The following CTNNA3 variants were observed in gnomAD, a reference collection of about 807,000 sequenced individuals.
The protein encoded by CTNNA3 is catenin alpha 3, also known as catenin alpha-3.
In CTNNA3, 76 loss-of-function variants were observed where a neutral mutation model predicts 95.7. That is an observed-to-expected ratio of 0.79 (90% confidence interval 0.66 to 0.96). The LOEUF (loss-of-function observed/expected upper bound fraction) is 0.96, where lower values mean the gene tolerates loss of function less well. Among genes scored for constraint, CTNNA3 ranks in the 40% least tolerant of loss-of-function variants. CTNNA3 has a pLI of 0.00. For synonymous variants in CTNNA3, 431 were observed against 374.4 expected (o/e 1.15, Z -1.74); for missense variants, 1,191 against 1,089.8 (o/e 1.09, Z -1.31).
At chr10:67,535,871 A>T (rs1370677955) in intron 4 of CTNNA3, among the ~76,000 whole-genome samples, 2 of 152,150 alleles carry the variant, frequency 1.3e-5, no homozygotes, top group Non-Finnish European at 2.9e-5. Context: ...CTAATAAGGC[A>T]GTGAGAAATT....
upstream of CTNNA3, among the ~76,000 whole-genome samples, chr10:67,697,739 T>G (rs1840993987): frequency 6.9e-6 from 1 of 144,502 alleles, no homozygotes; most frequent in Non-Finnish European, 1.5e-5. Flanking sequence ...TTAAAGAGCT[T>G]TTATAGTGGG....
chr10:67,364,527 G>T (rs1843132929), intron 5 of CTNNA3, among the ~76,000 whole-genome samples: 1 of 151,802 alleles, frequency 6.6e-6, no homozygotes, highest in South Asian at 2.1e-4. Context: ...CTTCAGCAAA[G>T]TCTCAGGATA....
chr10:67,406,565 C>T (rs1845144364), intron 5 of CTNNA3, among the ~76,000 whole-genome samples: 1 of 151,710 alleles, frequency 6.6e-6, no homozygotes, highest in Non-Finnish European at 1.5e-5. Flanking sequence ...CAATAAATAA[C>T]CAAAAGCAGA....
intron 5 of CTNNA3, among the ~76,000 whole-genome samples, chr10:67,453,281 A>C (rs1340940061): frequency 6.6e-6 from 1 of 152,188 alleles, no homozygotes; most frequent in African/African-American, 2.4e-5. Flanking sequence ...GACAGTTATG[A>C]TGTACTCCTA....
chr10:65,960,076 C>T (rs1010168939), intron 17 of CTNNA3, among the ~76,000 whole-genome samples: 5 of 152,182 alleles, frequency 3.3e-5, no homozygotes, highest in Non-Finnish European at 7.4e-5. Flanking sequence ...TAAAATGAAA[C>T]TTGAATAGAG....
intron 7 of CTNNA3, chr10:66,928,074 G>T (rs1847173343): frequency 1.2e-6 from 2 of 1,614,070 alleles, no homozygotes; most frequent in East Asian, 2.2e-5. Flanking sequence ...AGCTCCCCAG[G>T]CCGAAGCATG....
At chr10:67,311,120 T>C (rs1840778323) in intron 5 of CTNNA3, among the ~76,000 whole-genome samples, 1 of 152,276 alleles carries the variant, frequency 6.6e-6, no homozygotes, top group South Asian at 2.1e-4. Flanking sequence ...GGTGATACTA[T>C]TGAAATTTGG....
At chr10:66,436,638 T>G (rs1448075996) in intron 11 of CTNNA3, among the ~76,000 whole-genome samples, 1 of 151,882 alleles carries the variant, frequency 6.6e-6, no homozygotes, top group Non-Finnish European at 1.5e-5. Flanking sequence ...TCTTGACTCT[T>G]TATCCAATTT....
intron 15 of CTNNA3, among the ~76,000 whole-genome samples, chr10:66,010,578 T>C (rs1041781669): frequency 1.3e-5 from 2 of 152,188 alleles, no homozygotes; most frequent in Admixed American, 6.5e-5. Context: ...CTGGGAATTG[T>C]AGGTTCTACT....
chr10:66,673,756 G>A (rs1846747725), intron 9 of CTNNA3, among the ~76,000 whole-genome samples: 1 of 151,926 alleles, frequency 6.6e-6, no homozygotes, highest in African/African-American at 2.4e-5. Context: ...AACATCAAAA[G>A]ACATCTGAAT....
intron 1 of CTNNA3, among the ~76,000 whole-genome samples, chr10:67,681,046 A>G (rs1351169335): frequency 1.3e-5 from 2 of 152,154 alleles, no homozygotes; most frequent in Admixed American, 1.3e-4. Context: ...CAACTTTAAA[A>G]CTCTACTGAG....
chr10:67,398,153 T>C (rs1443768192), intron 5 of CTNNA3, among the ~76,000 whole-genome samples: 3 of 152,066 alleles, frequency 2.0e-5, no homozygotes, highest in African/African-American at 7.2e-5. Flanking sequence ...TGCTAAGAGC[T>C]TGTGGCTGGA....
Position 66,222,821 on chromosome 10 carries a change from T to C in CTNNA3, c.1884+57649A>G, listed in dbSNP as rs76787739. Among the ~76,000 whole-genome samples, 1,280 of 152,042 alleles carry C rather than the reference T, an allele frequency of 8.4e-3. 22 individuals carry two copies. Among genetic ancestry groups the C allele is most frequent in the African/African-American group, 0.028 (1,162 of 41,506 alleles). On this transcript the variant is annotated intron_variant, in intron 13 of 17. Coordinates refer to ENST00000433211, the MANE Select transcript of CTNNA3 (RefSeq NM_013266.4). ...GAAAAGAAAGGTAGGCACTAAAACG[T>C]TGCAGGTATTCATAAAGCAGCTGCT...
chr10:65,945,108 C>A (rs1188151075), intron 17 of CTNNA3, among the ~76,000 whole-genome samples: 1 of 151,444 alleles, frequency 6.6e-6, no homozygotes, highest in Non-Finnish European at 1.5e-5. Flanking sequence ...TATATGTATG[C>A]ATTTTTATAT....
intron 10 of CTNNA3, among the ~76,000 whole-genome samples, chr10:66,538,708 A>AT (rs1216637979): frequency 6.6e-6 from 1 of 152,174 alleles, no homozygotes; most frequent in Non-Finnish European, 1.5e-5. Context: ...AAAACTGCTG[A>AT]TTTTAAGTAG....
chr10:67,084,020 T>G (rs4745926), intron 7 of CTNNA3, among the ~76,000 whole-genome samples: 116,088 of 152,076 alleles, frequency 0.76, 44,983 homozygotes, highest in Middle Eastern at 0.9. Flanking sequence ...AGGAAGAGGT[T>G]CGTTGCTTTG....
chr10:67,583,878 C>T (rs951151275), intron 3 of CTNNA3, among the ~76,000 whole-genome samples: 2 of 152,132 alleles, frequency 1.3e-5, no homozygotes, highest in Admixed American at 6.5e-5. Flanking sequence ...GCATTCGTCA[C>T]GTAGTTCTCG....
intron 11 of CTNNA3, among the ~76,000 whole-genome samples, chr10:66,483,390 T>A (rs758865947): frequency 1.3e-5 from 2 of 152,066 alleles, no homozygotes; most frequent in South Asian, 4.2e-4. Context: ...TTATTATAGA[T>A]GTACATGTAT....
intron 11 of CTNNA3, among the ~76,000 whole-genome samples, chr10:66,420,625 C>T (rs947023755): frequency 7.2e-5 from 11 of 151,752 alleles, no homozygotes; most frequent in Non-Finnish European, 1.5e-4. Flanking sequence ...ACAGTGAAAC[C>T]CCATCTCTAC....
Sources: allele counts gnomAD v4.1 joint callset (sites outside exome capture counted in the v4.1 genomes callset), GRCh38; gene constraint gnomAD v4.1.1; transcripts MANE v1.5; gene names NCBI Gene and HGNC (gene_info 2026-07-23, HGNC 2026-07-21).